Variants in SH2B2 observed in about 807,000 individuals in gnomAD.
The protein encoded by SH2B2 is SH2B adapter protein 2.
In SH2B2, 37 loss-of-function variants were observed where a neutral mutation model predicts 35.7. That is an observed-to-expected ratio of 1.04 (90% CI 0.80 to 1.36). The LOEUF (loss-of-function observed/expected upper bound fraction) is 1.36, where lower values mean the gene tolerates loss of function less well. Among genes scored for constraint, SH2B2 ranks in the 40% most tolerant of loss-of-function variants. SH2B2 has a pLI of 0.00. For synonymous variants in SH2B2, 383 were observed against 376.4 expected, an observed-to-expected ratio of 1.02 and a Z score of -0.20; for missense variants, 852 against 817.7, an observed-to-expected ratio of 1.04 and a Z score of -0.51.
intron 4 of SH2B2, among the ~76,000 whole-genome samples, chr7:102,313,599 T>A (rs1408564748): frequency 1.3e-5 from 2 of 152,010 alleles, no homozygotes; most frequent in African/African-American, 4.8e-5. Context: ...ATAATTTCTT[T>A]ATGACAAGTT....
chr7:102,313,045 C>T (rs1024721014), intron 4 of SH2B2, among the ~76,000 whole-genome samples: 90 of 150,446 alleles, frequency 6.0e-4, no homozygotes, highest in Non-Finnish European at 1.2e-3. Context: ...AGGAGAATTG[C>T]TTGAACCCCC....
upstream of SH2B2, chr7:102,286,839 GGAGGCGCGCGCCTCGC>G (rs1792471201): frequency 7.3e-5 from 3 of 40,858 alleles, no homozygotes; most frequent in African/African-American, 3.1e-4. Context: ...GGCGGGGCCG[GGAGGCGCGCGCCTCGC>G]GGGCGGAGGG....
intron 1 of SH2B2, among the ~76,000 whole-genome samples, chr7:102,293,405 G>A (rs1242020227): frequency 6.6e-6 from 1 of 151,310 alleles, no homozygotes; most frequent in Non-Finnish European, 1.5e-5. Context: ...GACTTCCCCT[G>A]CCCTCCTCGC....
In SH2B2 at chr7:102,301,181, G is replaced by C; in HGVS notation, c.631G>C (p.Gly211Arg). 1.3e-6 allele frequency: 2 copies of C among 1,581,098 alleles called. No homozygotes were observed. The highest frequency in any genetic ancestry group is 2.3e-5 in the South Asian group (2 of 87,452). The change falls in exon 2 of 9, where the codon GGC becomes CGC. Residue 211 changes from glycine (G) to arginine (R), a missense_variant. Gly to Arg is a moderately radical substitution (Grantham distance 125, BLOSUM62 -2). Transcript: ENST00000444095. ...CATGGTGGCCGACGACGCGGCCGCG[G>C]GCTCCGGGGGCTCGGCTCAGTGGCA... ...RFMVADDAAA[G>R]SGGSAQWQKC... is the part of the protein sequence containing the mutation.
At chr7:102,293,918 C>G (rs1291771335) in intron 1 of SH2B2, among the ~76,000 whole-genome samples, 1 of 152,052 alleles carries the variant, frequency 6.6e-6, no homozygotes, top group Non-Finnish European at 1.5e-5. Flanking sequence ...GTTTGGACAC[C>G]TTGGGACCAT....
chr7:102,287,710 C>A (rs1308597429), intron 1 of SH2B2, among the ~76,000 whole-genome samples: 1 of 152,162 alleles, frequency 6.6e-6, no homozygotes, highest in Non-Finnish European at 1.5e-5. Context: ...CCATTCAGGC[C>A]CTTGGGCCTC....
At chr7:102,318,625 C>A (rs1002077253) in intron 7 of SH2B2, among the ~76,000 whole-genome samples, 2 of 152,164 alleles carry the variant, frequency 1.3e-5, no homozygotes, top group African/African-American at 2.4e-5. Flanking sequence ...GGAGGGAGAA[C>A]CTTAGGACTC....
At position 102,308,924 on chromosome 7, in the gene SH2B2, C is replaced by T. The variant is rs782423885; in HGVS notation, c.923+18C>T. The T allele has an allele frequency of 6.2e-7, 1 of 1,601,886 alleles. No homozygotes were observed. ...GACCCCGGGTGAGTGTCCAAGTGGC[C>T]CGAAGATGGGTGGACAGGCTGGGTA... On this transcript the variant is annotated intron_variant, in intron 4 of 8. Coordinates refer to ENST00000444095, the MANE Select transcript of SH2B2 (RefSeq NM_001359228.2).
intron 1 of SH2B2, chr7:102,293,288 G>A (rs1174548505): frequency 2.2e-5 from 3 of 138,742 alleles, no homozygotes; most frequent in African/African-American, 7.7e-5. Flanking sequence ...ATGCCGGCTG[G>A]ACCTACTGTC....
At position 102,292,921 on chromosome 7, in the gene SH2B2, A is replaced by C. The variant is rs577376660; in HGVS notation, c.-30+5827A>C. Among the ~76,000 whole-genome samples the C allele has an allele frequency of 5.5e-4, 83 of 152,132 alleles. No individual in the cohort carries two copies. The Middle Eastern group carries it at 0.014, about 25-fold the overall frequency. Reference sequence around the variant, plus strand: ...GGCGCAGCCTTTTGAGGTGCTGCATAGCTAGTTTGACCTGTGGGACCACTG... The same window carrying C: ...GGCGCAGCCTTTTGAGGTGCTGCATCGCTAGTTTGACCTGTGGGACCACTG... On this transcript the variant is annotated intron_variant, in intron 1 of 8. Coordinates refer to ENST00000444095, the MANE Select transcript of SH2B2 (RefSeq NM_001359228.2).
Position 102,301,165 on chromosome 7 carries a change from C to G in SH2B2, c.615C>G (p.Ala205=), listed in dbSNP as rs1554553767. The G allele has an allele frequency of 1.9e-6, 3 of 1,569,174 alleles. No individual in the cohort carries two copies. Among genetic ancestry groups the G allele is most frequent in the Non-Finnish European group, 2.6e-6 (3 of 1,160,868 alleles). ...AGGGGGCGCTGCGCTTCATGGTGGC[C>G]GACGACGCGGCCGCGGGCTCCGGGG... is the stretch of plus-strand genomic sequence containing the variant. ...QREGALRFMV[A]DDAAAGSGGS... is the part of the protein sequence containing the mutation. The change falls in exon 2 of 9, where the codon GCC becomes GCG. Residue 205 remains alanine (A), a synonymous_variant. Coordinates refer to ENST00000444095, the MANE Select transcript of SH2B2 (RefSeq NM_001359228.2).
rs375678880 is a variant in SH2B2, at chr7:102,287,889, C to T, written c.-30+795C>T. On this transcript the variant is annotated intron_variant, in intron 1 of 8. Coordinates refer to ENST00000444095, the MANE Select transcript of SH2B2 (RefSeq NM_001359228.2). ...CCTCTCAGGAGCCACGCAAGGCAGA[C>T]CGGGCAGCCCCAGGCGAGACTCTGA... 3.9e-5 allele frequency among the ~76,000 whole-genome samples: 6 copies of T among 152,306 alleles called. No homozygotes were observed. The East Asian group carries it at 1.2e-3, about 29-fold the overall frequency.
intron 2 of SH2B2, among the ~76,000 whole-genome samples, chr7:102,302,255 G>A (rs1554554086): frequency 6.6e-6 from 1 of 152,238 alleles, no homozygotes; most frequent in Non-Finnish European, 1.5e-5. Flanking sequence ...GCCGAGGCCT[G>A]CAGGGATGAG....
chr7:102,292,343 C>T (rs1488831173), intron 1 of SH2B2, among the ~76,000 whole-genome samples: 1 of 152,020 alleles, frequency 6.6e-6, no homozygotes, highest in Non-Finnish European at 1.5e-5. Context: ...CCAGCCTGGC[C>T]AAGATGGTGA....
rs1313367600 is a variant in SH2B2, at chr7:102,313,132, A to T, written c.924-1204A>T. ...GGCAACAAGAGCAAAACTCTGTCTA[A>T]AAAAAAAAAAAAAAAAAAAGACGTG... is the stretch of plus-strand genomic sequence containing the variant. On this transcript the variant is annotated intron_variant, in intron 4 of 8. Transcript: ENST00000444095. 7.8e-4 allele frequency among the ~76,000 whole-genome samples: 54 copies of T among 68,894 alleles called. 1 individual carries two copies. The highest frequency in any genetic ancestry group is 1.6e-3 in the African/African-American group (36 of 22,392). The allele number at this position is 68,894 out of a possible 152,430, so 45.2% of individuals were successfully genotyped here. A position where few individuals can be genotyped will look rare whatever the true frequency, so the allele number is the denominator to read the frequency against.
chr7:102,305,545 G>A lies in SH2B2; in HGVS notation c.730-1176G>A, dbSNP rs564966564. ...CCAAAGTGCGAAATTACAGGTGTGAGCCACCACACCCAGCCAAGACCAGCA... is the reference window on the plus strand; with the variant it reads ...CCAAAGTGCGAAATTACAGGTGTGAACCACCACACCCAGCCAAGACCAGCA... On this transcript the variant is annotated intron_variant, in intron 2 of 8. Transcript: ENST00000444095. Among the ~76,000 whole-genome samples the A allele has an allele frequency of 8.3e-4, 127 of 152,212 alleles. 1 individual carries two copies. Among genetic ancestry groups the A allele is most frequent in the Non-Finnish European group, 1.4e-3 (94 of 68,022 alleles).
intron 1 of SH2B2, among the ~76,000 whole-genome samples, chr7:102,292,880 G>T (rs1272264860): frequency 6.6e-6 from 1 of 152,208 alleles, no homozygotes; most frequent in Non-Finnish European, 1.5e-5. Context: ...AGGAAGGGGG[G>T]GTCTCTTGGC....
At chr7:102,294,054 A>G (rs1398602289) in intron 1 of SH2B2, among the ~76,000 whole-genome samples, 1 of 152,154 alleles carries the variant, frequency 6.6e-6, no homozygotes, top group Non-Finnish European at 1.5e-5. Context: ...TTTTTGAGAC[A>G]GAGTCTCGCT....
At chr7:102,318,899 A>G (rs1477600830) in intron 7 of SH2B2, among the ~76,000 whole-genome samples, 1 of 152,206 alleles carries the variant, frequency 6.6e-6, no homozygotes, top group African/African-American at 2.4e-5. Flanking sequence ...AGCCTCCCAG[A>G]GGGCCTGGAT....
Sources: gnomAD v4.1 joint callset for allele counts (sites outside exome capture counted in the v4.1 genomes callset) on GRCh38, gnomAD v4.1.1 for gene constraint, MANE v1.5 for transcripts, NCBI Gene and HGNC (gene_info 2026-07-23, HGNC 2026-07-21) for gene names.